ANOS1: variants seen among roughly 807,000 people sequenced by gnomAD.
ANOS1 encodes anosmin 1.
In ANOS1, 6 loss-of-function variants were observed where a neutral mutation model predicts 59.0. That is an observed-to-expected ratio of 0.10 (90% CI 0.06 to 0.20). The LOEUF (loss-of-function observed/expected upper bound fraction) is 0.20. ANOS1 is among the 10% of genes least tolerant of loss of function. The pLI is 1.00. For synonymous variants in ANOS1, 217 were observed against 223.4 expected, an observed-to-expected ratio of 0.97 and a Z score of 0.25; for missense variants, 433 against 542.3, an observed-to-expected ratio of 0.80 and a Z score of 2.00.
rs769266422 is a variant in ANOS1, at chrX:8,607,737, T to G, written c.319-10481A>C. The stretch of plus-strand genomic sequence containing the variant: ...TGCAATGTTCAGCCCACTAAACCAT[T>G]TATATACTGATTTATAGACCAAACC... On this transcript the variant is annotated intron_variant, in intron 3 of 13. Transcript: ENST00000262648. 1.1e-4 allele frequency among the ~76,000 whole-genome samples: 12 copies of G among 111,956 alleles called. No homozygotes were observed. In the South Asian group the frequency reaches 4.4e-3, roughly 41 times the overall value.
At chrX:8,727,500 G>T (rs754627075) in intron 1 of ANOS1, among the ~76,000 whole-genome samples, 22 of 112,615 alleles carry the variant, frequency 2.0e-4, no homozygotes, top group Non-Finnish European at 3.8e-4. Flanking sequence ...ACACTGGAAT[G>T]GCACATCCAC....
chrX:8,666,511 G>T (rs1042510480), intron 2 of ANOS1, among the ~76,000 whole-genome samples: 31 of 111,684 alleles, frequency 2.8e-4, no homozygotes, highest in African/African-American at 1.0e-3. Context: ...ACACACAATG[G>T]AGTCATAAAA....
Position 8,534,426 on chromosome X carries a change from G to T in ANOS1, c.1877C>A (p.Pro626Gln). The T allele has an allele frequency of 8.3e-7, 1 of 1,209,855 alleles. No homozygotes were observed. The highest frequency in any genetic ancestry group is 1.1e-6 in the Non-Finnish European group (1 of 894,242). The change falls in exon 13 of 14, where the codon CCA becomes CAA. Residue 626 changes from proline (P) to glutamine (Q), a missense_variant. Coordinates refer to ENST00000262648, the MANE Select transcript of ANOS1 (RefSeq NM_000216.4). Reference protein sequence around the residue: ...HYVLTVPNLRPSTLYRLEVQV... With the variant: ...HYVLTVPNLRQSTLYRLEVQV... ...CACTTCCAGTCGGTAAAGAGTAGAT[G>T]GTCTCAGATTGGGCACTGTTAGGAC...
At chrX:8,619,372 A>AGGG (rs1931241949) in intron 3 of ANOS1, among the ~76,000 whole-genome samples, 1 of 111,481 alleles carries the variant, frequency 9.0e-6, no homozygotes, top group Non-Finnish European at 1.9e-5. Context: ...TTGGGAGGCC[A>AGGG]AGGCGGGCGG....
At chrX:8,571,710 C>A (rs1241369108) in intron 6 of ANOS1, among the ~76,000 whole-genome samples, 2 of 111,545 alleles carry the variant, frequency 1.8e-5, no homozygotes, top group African/African-American at 6.5e-5. Flanking sequence ...ATTAAATATA[C>A]CAAAGCTGGA....
chrX:8,707,493 A>G (rs981000584), intron 1 of ANOS1, among the ~76,000 whole-genome samples: 7 of 111,341 alleles, frequency 6.3e-5, no homozygotes, highest in Middle Eastern at 4.6e-3. Context: ...GATCAAATAT[A>G]CGTTATTTAA....
At chrX:8,594,697 T>TATATATATATATATAC in intron 4 of ANOS1, among the ~76,000 whole-genome samples, 1 of 18,553 alleles carries the variant, frequency 5.4e-5, no homozygotes, top group Non-Finnish European at 8.8e-5. Context: ...TATATATATA[T>TATATATATATATATAC]ACACATATAT....
intron 3 of ANOS1, among the ~76,000 whole-genome samples, chrX:8,605,610 C>A (rs1930925051): frequency 1.1e-5 from 1 of 88,130 alleles, no homozygotes. Flanking sequence ...TGAACCACTG[C>A]ACTCTAGACT....
At chrX:8,671,168 A>T (rs1186916760) in intron 2 of ANOS1, among the ~76,000 whole-genome samples, 1 of 111,540 alleles carries the variant, frequency 9.0e-6, no homozygotes, top group African/African-American at 3.3e-5. Context: ...ACAGAATATA[A>T]AAGACTTGAT....
In ANOS1 at chrX:8,684,383, T is replaced by G. The variant is rs141477469; in HGVS notation, c.255+15315A>C. On this transcript the variant is annotated intron_variant, in intron 2 of 13. Transcript: ENST00000262648. Reference sequence around the variant, plus strand: ...AGATTCTAGGAAGGGATTATTTCTGTGCCCAAAGAGCCCCTAGAGAATAGA... The same window carrying G: ...AGATTCTAGGAAGGGATTATTTCTGGGCCCAAAGAGCCCCTAGAGAATAGA... Among the ~76,000 whole-genome samples, 447 of 111,291 alleles carry G rather than the reference T, an allele frequency of 4.0e-3. 4 individuals are homozygous for G. In the East Asian group the frequency reaches 0.046, roughly 11 times the overall value.
intron 6 of ANOS1, among the ~76,000 whole-genome samples, chrX:8,577,846 C>T (rs2146812264): frequency 9.0e-6 from 1 of 111,664 alleles, no homozygotes; most frequent in South Asian, 3.8e-4. Context: ...CCTATTATTG[C>T]ACTGACATGA....
At chrX:8,633,472 C>T (rs146995848) in intron 2 of ANOS1, among the ~76,000 whole-genome samples, 1 of 111,703 alleles carries the variant, frequency 9.0e-6, no homozygotes, top group Non-Finnish European at 1.9e-5. Context: ...CAAAGCATAC[C>T]TTCTTTGCAT....
intron 2 of ANOS1, among the ~76,000 whole-genome samples, chrX:8,686,084 C>T (rs1294104992): frequency 8.9e-6 from 1 of 112,027 alleles, no homozygotes; most frequent in Non-Finnish European, 1.9e-5. Flanking sequence ...CAGCCATTAC[C>T]TAATTTACAA....
intron 2 of ANOS1, among the ~76,000 whole-genome samples, chrX:8,675,838 G>C (rs922756318): frequency 9.2e-6 from 1 of 108,488 alleles, no homozygotes; most frequent in Non-Finnish European, 1.9e-5. Context: ...TTAGCTATTT[G>C]TTTGGATGCT....
chrX:8,572,319 G>C (rs1930246076), intron 6 of ANOS1, among the ~76,000 whole-genome samples: 1 of 109,715 alleles, frequency 9.1e-6, no homozygotes, highest in African/African-American at 3.3e-5. Context: ...GGTGTGTGTT[G>C]CTCCCCTCCA....
chrX:8,612,551 G>GTTTTTT (rs60402454), intron 3 of ANOS1, among the ~76,000 whole-genome samples: 10 of 60,817 alleles, frequency 1.6e-4, no homozygotes, highest in African/African-American at 3.9e-4. Flanking sequence ...AAAACAAGAA[G>GTTTTTT]TTTTTTTTTT....
At chrX:8,577,906 C>G (rs1176956753) in intron 6 of ANOS1, among the ~76,000 whole-genome samples, 1 of 111,632 alleles carries the variant, frequency 9.0e-6, no homozygotes, top group African/African-American at 3.3e-5. Context: ...AATGCCATCA[C>G]TTTTTCTGAG....
rs1320013626 is a variant in ANOS1, at chrX:8,531,748, T to C, written c.*1247A>G. On this transcript the variant is annotated 3_prime_UTR_variant, in exon 14 of 14. Transcript: ENST00000262648. ...ATATACACATGCATTTATAATTATA[T>C]AGACATGCATATCTATGCACATTTC... is the stretch of plus-strand genomic sequence containing the variant. 1 of 111,505 alleles carries C rather than the reference T, an allele frequency of 9.0e-6. No homozygotes were observed. The highest frequency in any genetic ancestry group is 1.9e-5 in the Non-Finnish European group (1 of 53,068). The allele number at this position is 111,505 out of a possible 1,213,427, so 9.2% of individuals were successfully genotyped here.
At chrX:8,622,092 G>T (rs1262293116) in intron 3 of ANOS1, among the ~76,000 whole-genome samples, 2 of 111,182 alleles carry the variant, frequency 1.8e-5, no homozygotes, top group African/African-American at 6.5e-5. Context: ...AACCCACTAT[G>T]ACCCCTGGTG....
Sources: gnomAD v4.1 joint callset for allele counts (sites outside exome capture counted in the v4.1 genomes callset) on GRCh38, gnomAD v4.1.1 for gene constraint, MANE v1.5 for transcripts, NCBI Gene and HGNC (gene_info 2026-07-23, HGNC 2026-07-21) for gene names.